GRM3: variants seen among roughly 807,000 people sequenced by gnomAD.
GRM3 encodes the protein metabotropic glutamate receptor 3.
A neutral mutation model predicts 70.5 loss-of-function variants in GRM3; 26 were observed. The ratio of observed to expected loss-of-function variants is 0.37; its 90% CI spans 0.27 to 0.51. GRM3 has a LOEUF of 0.51. GRM3 is among the 20% of genes least tolerant of loss of function. The pLI is 0.93. For synonymous variants in GRM3, 443 were observed against 434.9 expected (o/e 1.02, Z -0.23); for missense variants, 859 against 1,123.8 (o/e 0.76, Z 3.37).
chr7:86,646,948 C>T (rs535628641), intron 1 of GRM3, among the ~76,000 whole-genome samples: 1 of 152,224 alleles, frequency 6.6e-6, no homozygotes, highest in South Asian at 2.1e-4. Context: ...CCCACAACTA[C>T]ACATATCAAA....
At chr7:86,697,049 G>T (rs1794834607) in intron 1 of GRM3, among the ~76,000 whole-genome samples, 1 of 152,104 alleles carries the variant, frequency 6.6e-6, no homozygotes, top group African/African-American at 2.4e-5. Context: ...TCTAGAGAAA[G>T]AATGCTTTGA....
chr7:86,845,079 A>C (rs900692584), intron 4 of GRM3, among the ~76,000 whole-genome samples: 6 of 152,108 alleles, frequency 3.9e-5, no homozygotes, highest in Admixed American at 3.3e-4. Flanking sequence ...TAGTAGAGAC[A>C]AGGTTTCACC....
At chr7:86,656,228 G>A (rs802434) in intron 1 of GRM3, among the ~76,000 whole-genome samples, 103,466 of 148,258 alleles carry the variant, frequency 0.7, 36,666 homozygotes, top group East Asian at 0.88. Flanking sequence ...CTGGAGTAAG[G>A]CCCAACCCAT....
chr7:86,862,513 AC>A (rs1032855362), intron 5 of GRM3, among the ~76,000 whole-genome samples: 52 of 152,218 alleles, frequency 3.4e-4, no homozygotes, highest in African/African-American at 1.2e-3. Flanking sequence ...TGCATATGAC[AC>A]CGTACCTGCC....
intron 3 of GRM3, among the ~76,000 whole-genome samples, chr7:86,805,274 T>C (rs942808913): frequency 8.5e-5 from 13 of 152,166 alleles, no homozygotes; most frequent in African/African-American, 2.9e-4. Flanking sequence ...TTTTTAAAAC[T>C]AGACTTTATT....
At chr7:86,664,177 G>A (rs1012400895) in intron 1 of GRM3, among the ~76,000 whole-genome samples, 1 of 151,958 alleles carries the variant, frequency 6.6e-6, no homozygotes, top group African/African-American at 2.4e-5. Flanking sequence ...TCACTGGAAT[G>A]TGGAGAATGA....
At chr7:86,646,939 C>G (rs767312418) in intron 1 of GRM3, among the ~76,000 whole-genome samples, 1 of 151,986 alleles carries the variant, frequency 6.6e-6, no homozygotes, top group Non-Finnish European at 1.5e-5. Flanking sequence ...ATGATTTAAC[C>G]CACAACTACA....
At chr7:86,846,501 T>G (rs1798658558) in intron 4 of GRM3, among the ~76,000 whole-genome samples, 1 of 152,178 alleles carries the variant, frequency 6.6e-6, no homozygotes, top group African/African-American at 2.4e-5. Flanking sequence ...GAGTGGAATT[T>G]TCTGCCTACC....
chr7:86,787,535 C>T (rs1158277000), intron 3 of GRM3, among the ~76,000 whole-genome samples: 1 of 151,148 alleles, frequency 6.6e-6, no homozygotes. Flanking sequence ...AAAAGAATCT[C>T]ATAACTTTCA....
intron 5 of GRM3, among the ~76,000 whole-genome samples, chr7:86,859,822 T>C (rs1466254436): frequency 6.6e-6 from 1 of 152,194 alleles, no homozygotes; most frequent in Non-Finnish European, 1.5e-5. Context: ...CTCCAAAGTC[T>C]GGCTAGCCCA....
chr7:86,708,102 A>G (rs1795101263), intron 1 of GRM3, among the ~76,000 whole-genome samples: 2 of 152,272 alleles, frequency 1.3e-5, no homozygotes, highest in South Asian at 2.1e-4. Context: ...CTGGCTCTAG[A>G]GCCTACACTC....
At chr7:86,675,284 T>C (rs1195908721) in intron 1 of GRM3, among the ~76,000 whole-genome samples, 1 of 152,136 alleles carries the variant, frequency 6.6e-6, no homozygotes, top group Non-Finnish European at 1.5e-5. Context: ...GTAGGATTTA[T>C]AGACCCAGGA....
intron 1 of GRM3, among the ~76,000 whole-genome samples, chr7:86,672,765 C>T (rs1794205037): frequency 2.0e-5 from 3 of 152,112 alleles, no homozygotes; most frequent in South Asian, 4.1e-4. Context: ...TTAACCATGT[C>T]CCCTAAACTT....
intron 5 of GRM3, among the ~76,000 whole-genome samples, chr7:86,860,198 G>A (rs1798928431): frequency 1.3e-5 from 2 of 152,080 alleles, no homozygotes; most frequent in South Asian, 4.1e-4. Flanking sequence ...ATCTCATGAG[G>A]ATTTCATCAG....
chr7:86,739,802 A>C (rs1489969844), intron 1 of GRM3, among the ~76,000 whole-genome samples: 1 of 152,218 alleles, frequency 6.6e-6, no homozygotes, highest in Non-Finnish European at 1.5e-5. Flanking sequence ...CATTTAGAAG[A>C]CAGGAAAGAA....
intron 2 of GRM3, among the ~76,000 whole-genome samples, chr7:86,773,594 T>C (rs1233864928): frequency 6.6e-6 from 1 of 152,062 alleles, no homozygotes; most frequent in East Asian, 1.9e-4. Flanking sequence ...TTTTCATTTA[T>C]TTCCTTCCCA....
At chr7:86,758,447 C>T (rs1017656194) in intron 1 of GRM3, among the ~76,000 whole-genome samples, 8 of 152,108 alleles carry the variant, frequency 5.3e-5, no homozygotes, top group Non-Finnish European at 1.2e-4. Context: ...TGGAGAGGCT[C>T]TAATTCAGAG....
chr7:86,790,034 C>T (rs1797366562), intron 3 of GRM3, among the ~76,000 whole-genome samples: 1 of 152,166 alleles, frequency 6.6e-6, no homozygotes, highest in Non-Finnish European at 1.5e-5. Context: ...TTCACTCTTC[C>T]TTCCATTAGC....
In GRM3 at chr7:86,644,469, A is replaced by G. The variant is rs1793403176; in HGVS notation, c.-544A>G. On this transcript the variant is annotated 5_prime_UTR_variant, in exon 1 of 6. Coordinates refer to ENST00000361669, the MANE Select transcript of GRM3 (RefSeq NM_000840.3). ...CTAGGAAGTGGGTTTGCCTGATAAG[A>G]GAAGGAGGAGGGGACTCGGCTGGGA... 1 of 348,496 alleles carries G rather than the reference A, an allele frequency of 2.9e-6. No homozygotes were observed. The highest frequency in any genetic ancestry group is 4.0e-5 in the Admixed American group (1 of 25,194). The allele number at this position is 348,496 out of a possible 1,614,324, so 21.6% of individuals were successfully genotyped here.
Sources: allele counts gnomAD v4.1 joint callset (sites outside exome capture counted in the v4.1 genomes callset), GRCh38; gene constraint gnomAD v4.1.1; transcripts MANE v1.5; gene names NCBI Gene and HGNC (gene_info 2026-07-23, HGNC 2026-07-21).